Variants in FSTL5 observed in about 807,000 individuals in gnomAD.
FSTL5 encodes the protein follistatin-related protein 5.
A neutral mutation model predicts 89.1 loss-of-function variants in FSTL5; 62 were observed. The observed-to-expected ratio is 0.70, with a 90% confidence interval of 0.57 to 0.86. FSTL5 has a LOEUF of 0.86. Ranked by LOEUF, FSTL5 falls within the 40% of genes least tolerant of loss-of-function variation. The pLI is 0.00. For synonymous variants in FSTL5, 383 were observed against 346.2 expected (o/e 1.11, Z -1.18); for missense variants, 1,057 against 1,001.6 (o/e 1.06, Z -0.75).
intron 8 of FSTL5, among the ~76,000 whole-genome samples, chr4:161,567,928 T>C (rs1386082671): frequency 2.6e-5 from 4 of 152,030 alleles, no homozygotes; most frequent in Non-Finnish European, 5.9e-5. Flanking sequence ...GAGGAAAGAA[T>C]CATTGGCTTG....
intron 7 of FSTL5, among the ~76,000 whole-genome samples, chr4:161,652,925 A>T (rs1736391994): frequency 6.6e-6 from 1 of 152,172 alleles, no homozygotes; most frequent in African/African-American, 2.4e-5. Flanking sequence ...TTTTGTAAAA[A>T]TAGATAATGT....
intron 1 of FSTL5, among the ~76,000 whole-genome samples, chr4:162,125,758 G>A (rs1212274504): frequency 6.6e-6 from 1 of 151,908 alleles, no homozygotes; most frequent in Non-Finnish European, 1.5e-5. Flanking sequence ...TTTAAGCAGT[G>A]TATAAAGTTG....
chr4:161,762,427 C>T (rs1474846884), intron 5 of FSTL5, among the ~76,000 whole-genome samples: 3 of 152,154 alleles, frequency 2.0e-5, no homozygotes, highest in African/African-American at 7.2e-5. Context: ...TAGTGTTTGA[C>T]ACTGGTTCCA....
intron 10 of FSTL5, among the ~76,000 whole-genome samples, chr4:161,532,747 C>A (rs13124453): frequency 2.6e-5 from 4 of 152,046 alleles, no homozygotes; most frequent in Admixed American, 2.0e-4. Context: ...GGACCTAATA[C>A]AAAGCTACAG....
chr4:161,718,757 A>C (rs1739092006), intron 6 of FSTL5, among the ~76,000 whole-genome samples: 1 of 152,004 alleles, frequency 6.6e-6, no homozygotes, highest in Non-Finnish European at 1.5e-5. Context: ...TAAACTATGG[A>C]GCTTCACTAA....
intron 7 of FSTL5, among the ~76,000 whole-genome samples, chr4:161,606,979 A>G (rs1734469502): frequency 1.3e-5 from 2 of 152,206 alleles, no homozygotes; most frequent in African/African-American, 4.8e-5. Flanking sequence ...TAGTTATTCG[A>G]TTTCCTCATT....
intron 2 of FSTL5, among the ~76,000 whole-genome samples, chr4:162,092,786 TAA>T (rs1473460503): frequency 6.6e-6 from 1 of 151,210 alleles, no homozygotes; most frequent in Non-Finnish European, 1.5e-5. Context: ...CCATCTCTAC[TAA>T]AAATGCAAAA....
intron 4 of FSTL5, among the ~76,000 whole-genome samples, chr4:161,910,578 C>A (rs746526692): frequency 1.3e-5 from 2 of 152,092 alleles, no homozygotes; most frequent in African/African-American, 4.8e-5. Context: ...TAGCTAGTTT[C>A]TTTAATTACA....
intron 3 of FSTL5, among the ~76,000 whole-genome samples, chr4:162,005,697 C>A (rs75438364): frequency 6.6e-6 from 1 of 152,078 alleles, no homozygotes; most frequent in East Asian, 1.9e-4. Context: ...AATTAAGGTA[C>A]ACTGACATTG....
At chr4:161,500,183 C>A in intron 11 of FSTL5, 49 bp from the exon 12 acceptor site, 3 of 1,229,148 alleles carry the variant, frequency 2.4e-6, no homozygotes, top group South Asian at 1.4e-5. Flanking sequence ...TTATCATAAA[C>A]CTTTACAACC....
intron 2 of FSTL5, among the ~76,000 whole-genome samples, chr4:162,039,592 A>C (rs888718381): frequency 2.0e-5 from 3 of 151,962 alleles, no homozygotes; most frequent in African/African-American, 7.2e-5. Flanking sequence ...AGGAGAAAAA[A>C]ACGCACTACT....
At chr4:161,435,056 G>A (rs1732510462) in intron 15 of FSTL5, among the ~76,000 whole-genome samples, 1 of 152,036 alleles carries the variant, frequency 6.6e-6, no homozygotes, top group Admixed American at 6.6e-5. Context: ...ATATTATCCA[G>A]AAATCCCATT....
intron 15 of FSTL5, among the ~76,000 whole-genome samples, chr4:161,428,183 G>T (rs1362405052): frequency 3.3e-5 from 5 of 152,150 alleles, no homozygotes; most frequent in African/African-American, 7.2e-5. Context: ...AGGGAGCATT[G>T]AACCCAGTAT....
intron 4 of FSTL5, among the ~76,000 whole-genome samples, chr4:161,881,761 GC>G (rs1371927441): frequency 6.6e-6 from 1 of 152,094 alleles, no homozygotes; most frequent in Non-Finnish European, 1.5e-5. Flanking sequence ...CTTATTTGAG[GC>G]CATCTGGCTC....
In FSTL5 at chr4:162,113,297, TTTAGA is replaced by T. The variant is rs565302498; in HGVS notation, c.-16-1890_-16-1886del. Among the ~76,000 whole-genome samples the T allele has an allele frequency of 5.7e-5, 6 of 104,716 alleles. No homozygotes were observed. The South Asian group carries it at 2.1e-3, about 37-fold the overall frequency. The allele number at this position is 104,716 out of a possible 152,430, so 68.7% of individuals were successfully genotyped here. On this transcript the variant is annotated intron_variant, in intron 1 of 15. Coordinates refer to ENST00000306100, the MANE Select transcript of FSTL5 (RefSeq NM_020116.5). ...CATCTTTGATATCTCTTGTTTACCC[TTTAGA>T]TTAAACTCATCATTAATTCTTTTAT...
At chr4:161,742,062 G>C (rs1280298772) in intron 6 of FSTL5, among the ~76,000 whole-genome samples, 1 of 151,982 alleles carries the variant, frequency 6.6e-6, no homozygotes, top group East Asian at 1.9e-4. Context: ...AGAAGGAATG[G>C]GGCATTTTTG....
At chr4:161,506,991 T>C (rs1317077585) in intron 11 of FSTL5, among the ~76,000 whole-genome samples, 2 of 152,172 alleles carry the variant, frequency 1.3e-5, no homozygotes, top group Non-Finnish European at 2.9e-5. Context: ...TGCTTTTAAA[T>C]TATTCACATA....
At chr4:161,619,683 G>A (rs906860729) in intron 7 of FSTL5, among the ~76,000 whole-genome samples, 1 of 151,992 alleles carries the variant, frequency 6.6e-6, no homozygotes, top group African/African-American at 2.4e-5. Flanking sequence ...AAAAAGTCAG[G>A]AAACAACAGG....
rs1279469735 is a variant in FSTL5 at position 161,832,737 on chromosome 4, C to A, written c.410-56663G>T. Among the ~76,000 whole-genome samples, 5 of 151,778 alleles carry A rather than the reference C, an allele frequency of 3.3e-5. No homozygotes were observed. The East Asian group carries it at 7.7e-4, about 23-fold the overall frequency. ...GGATCGGTGGTGATATCCCCTTTAT[C>A]ATTTTTTATTGCATCTATTTGATTC... On this transcript the variant is annotated intron_variant, in intron 4 of 15. Transcript: ENST00000306100.
Sources: gnomAD v4.1 joint callset for allele counts (sites outside exome capture counted in the v4.1 genomes callset) on GRCh38, gnomAD v4.1.1 for gene constraint, MANE v1.5 for transcripts, NCBI Gene and HGNC (gene_info 2026-07-23, HGNC 2026-07-21) for gene names.